SORCS1: variants seen among roughly 807,000 people sequenced by gnomAD.
The protein encoded by SORCS1 is VPS10 domain-containing receptor SorCS1.
A neutral mutation model predicts 146.1 loss-of-function variants in SORCS1; 60 were observed. That is an observed-to-expected ratio of 0.41 (90% CI 0.33 to 0.51). The LOEUF (loss-of-function observed/expected upper bound fraction) is 0.51. SORCS1 is among the 20% of genes least tolerant of loss of function. SORCS1 has a pLI of 0.21. For missense variants in SORCS1, 1,352 were observed against 1,487.6 expected, an observed-to-expected ratio of 0.91 and a Z score of 1.50; for synonymous variants, 637 against 584.0, an observed-to-expected ratio of 1.09 and a Z score of -1.31.
chr10:106,879,570 TA>T (rs1950734536), intron 2 of SORCS1, among the ~76,000 whole-genome samples: 2 of 152,336 alleles, frequency 1.3e-5, no homozygotes, highest in Admixed American at 1.3e-4. Flanking sequence ...CAGTTGTCCT[TA>T]AAATCAGGAG....
intron 19 of SORCS1, among the ~76,000 whole-genome samples, chr10:106,627,715 G>A (rs1335661506): frequency 6.6e-6 from 1 of 152,188 alleles, no homozygotes; most frequent in Non-Finnish European, 1.5e-5. Context: ...CAAGCACACT[G>A]CTTCTAACCA....
intron 1 of SORCS1, among the ~76,000 whole-genome samples, chr10:107,147,071 C>T (rs1968393331): frequency 1.3e-5 from 2 of 152,118 alleles, no homozygotes; most frequent in Non-Finnish European, 2.9e-5. Context: ...CTATCATACC[C>T]CAACTTAATT....
intron 2 of SORCS1, among the ~76,000 whole-genome samples, chr10:106,921,954 C>T (rs7097154): frequency 0.88 from 133,788 of 152,228 alleles, 60,405 homozygotes; most frequent in Non-Finnish European, 1. Context: ...TGCTTTCCAT[C>T]GTGCTGCATC....
chr10:106,753,523 C>G (rs1322422655), intron 5 of SORCS1, among the ~76,000 whole-genome samples: 1 of 151,998 alleles, frequency 6.6e-6, no homozygotes, highest in African/African-American at 2.4e-5. Flanking sequence ...TGATACGAGT[C>G]AGAATCAGAG....
intron 10 of SORCS1, among the ~76,000 whole-genome samples, chr10:106,686,946 G>T (rs139522612): frequency 6.6e-6 from 1 of 152,164 alleles, no homozygotes; most frequent in South Asian, 2.1e-4. Flanking sequence ...CTATATATGT[G>T]TAGTTCATAC....
the SORCS1 span, among the ~76,000 whole-genome samples, chr10:107,175,476 C>T: frequency 6.6e-6 from 1 of 152,114 alleles, no homozygotes; most frequent in Non-Finnish European, 1.5e-5. Flanking sequence ...CTCGCTCTGT[C>T]ACCCGGGCTG....
intron 1 of SORCS1, among the ~76,000 whole-genome samples, chr10:107,003,184 G>A (rs945912069): frequency 6.6e-6 from 1 of 152,014 alleles, no homozygotes; most frequent in African/African-American, 2.4e-5. Context: ...GAACCTGGGA[G>A]GTAGAGGTTA....
chr10:106,875,704 C>G (rs533210326), intron 2 of SORCS1, among the ~76,000 whole-genome samples: 1 of 152,204 alleles, frequency 6.6e-6, no homozygotes, highest in East Asian at 1.9e-4. Flanking sequence ...TTGCATTTCC[C>G]TGGTGATATT....
chr10:106,717,316 GT>G (rs1260393262), intron 6 of SORCS1, among the ~76,000 whole-genome samples: 1 of 152,182 alleles, frequency 6.6e-6, no homozygotes, highest in Admixed American at 6.5e-5. Context: ...ACACGCTGCT[GT>G]TCATATACAC....
At chr10:107,063,819 A>T (rs1961467931) in intron 1 of SORCS1, among the ~76,000 whole-genome samples, 1 of 152,204 alleles carries the variant, frequency 6.6e-6, no homozygotes, top group Non-Finnish European at 1.5e-5. Flanking sequence ...TGAATTTGCA[A>T]CTTCTTCCTC....
At chr10:107,079,181 G>T (rs1963130281) in intron 1 of SORCS1, among the ~76,000 whole-genome samples, 1 of 151,092 alleles carries the variant, frequency 6.6e-6, no homozygotes, top group African/African-American at 2.4e-5. Context: ...AGCTGAGATT[G>T]CGCCACTGCA....
intron 1 of SORCS1, among the ~76,000 whole-genome samples, chr10:107,162,889 AT>A (rs1471229494): frequency 3.9e-5 from 6 of 152,010 alleles, no homozygotes; most frequent in African/African-American, 9.7e-5. Flanking sequence ...AAAACTTGAA[AT>A]TTTTTTCCCC....
intron 24 of SORCS1, among the ~76,000 whole-genome samples, chr10:106,589,004 A>G (rs193231348): frequency 4.9e-4 from 75 of 152,256 alleles, no homozygotes; most frequent in African/African-American, 1.8e-3. Context: ...CACGTTTGAG[A>G]ACAGCTGCTA....
chr10:107,003,427 TAA>T (rs1491308663), intron 1 of SORCS1, among the ~76,000 whole-genome samples: 26 of 119,650 alleles, frequency 2.2e-4, no homozygotes, highest in African/African-American at 8.7e-4. Context: ...TAAATTCCCA[TAA>T]GTGTGTGTGT....
At chr10:107,042,191 G>T (rs529553833) in intron 1 of SORCS1, among the ~76,000 whole-genome samples, 3 of 152,180 alleles carry the variant, frequency 2.0e-5, no homozygotes, top group Non-Finnish European at 4.4e-5. Flanking sequence ...TTTAGAACTT[G>T]TATCTATAAA....
At chr10:106,704,032 T>A (rs887273464) in intron 8 of SORCS1, among the ~76,000 whole-genome samples, 1 of 152,182 alleles carries the variant, frequency 6.6e-6, no homozygotes. Context: ...AGTAAAACTT[T>A]TTCCTTCCAT....
At chr10:107,024,524 C>T (rs542374174) in intron 1 of SORCS1, among the ~76,000 whole-genome samples, 11 of 152,268 alleles carry the variant, frequency 7.2e-5, no homozygotes, top group South Asian at 2.1e-4. Context: ...ATCCAAACTG[C>T]GGCACTGGAA....
chr10:107,057,277 G>T (rs546792660), intron 1 of SORCS1, among the ~76,000 whole-genome samples: 2 of 152,088 alleles, frequency 1.3e-5, no homozygotes, highest in African/African-American at 4.8e-5. Context: ...CTTACAAGGG[G>T]CCATCATTAT....
intron 4 of SORCS1, among the ~76,000 whole-genome samples, chr10:106,766,861 C>T (rs896544855): frequency 2.6e-5 from 4 of 152,150 alleles, no homozygotes; most frequent in African/African-American, 9.7e-5. Context: ...GAATTCACAG[C>T]GGGCTTTGTA....
Sources: gnomAD v4.1 joint callset for allele counts (sites outside exome capture counted in the v4.1 genomes callset) on GRCh38, gnomAD v4.1.1 for gene constraint, MANE v1.5 for transcripts, NCBI Gene and HGNC (gene_info 2026-07-23, HGNC 2026-07-21) for gene names.